TOPAZ1: variants seen among roughly 807,000 people sequenced by gnomAD.
The protein encoded by TOPAZ1 is protein TOPAZ1.
Under a neutral mutation model 172.2 loss-of-function variants are expected in TOPAZ1, and 66 were observed. The ratio of observed to expected loss-of-function variants is 0.38; its 90% confidence interval spans 0.31 to 0.47. The LOEUF is 0.47. TOPAZ1 is among the 20% of genes least tolerant of loss of function. The pLI is 0.99. For synonymous variants in TOPAZ1, 681 were observed against 683.9 expected (o/e 1.00, Z 0.07); for missense variants, 1,822 against 1,972.4 (o/e 0.92, Z 1.44).
chr3:44,286,633 T>G (rs1342509288), intron 9 of TOPAZ1, among the ~76,000 whole-genome samples: 1 of 152,202 alleles, frequency 6.6e-6, no homozygotes, highest in Non-Finnish European at 1.5e-5. Flanking sequence ...TAATAAATAT[T>G]TCTAATAGAA....
intron 2 of TOPAZ1, among the ~76,000 whole-genome samples, chr3:44,249,641 A>T (rs1699606529): frequency 6.6e-6 from 1 of 152,150 alleles, no homozygotes; most frequent in Admixed American, 6.5e-5. Flanking sequence ...AAGGGTAAGA[A>T]ATGTCCATGT....
chr3:44,252,357 C>G (rs768627049), intron 2 of TOPAZ1, among the ~76,000 whole-genome samples: 26 of 152,180 alleles, frequency 1.7e-4, no homozygotes, highest in Non-Finnish European at 7.3e-5. Flanking sequence ...CTTAATCTTC[C>G]TAAACTCTCT....
At chr3:44,260,273 G>C (rs1015281557) in intron 4 of TOPAZ1, among the ~76,000 whole-genome samples, 19 of 152,090 alleles carry the variant, frequency 1.2e-4, no homozygotes, top group Non-Finnish European at 5.9e-5. Context: ...TTCTGGATTT[G>C]ATCTTTTTTA....
rs1171677216 is a variant in TOPAZ1 at position 44,256,237 on chromosome 3, G to A, written c.2914G>A (p.Asp972Asn). ...NETSENETLG[D>N]FSEQIKGSDL... is the part of the protein sequence containing the mutation. ...GACCTCTGAAAATGAAACACTGGGA[G>A]ACTTCAGTGAACAAATAAAAGGTTC... Residue 972 changes from aspartate (D) to asparagine (N), a missense_variant, in exon 4 of 20, where the codon GAC (aspartate) becomes AAC (asparagine). By Grantham distance (23) the Asp-to-Asn change is conservative (BLOSUM62 1). Around this residue, in one of 2 missense-constraint regions of TOPAZ1, gnomAD observed 1,489 missense variants for 1,490.8 expected, o/e 1.00. Coordinates refer to ENST00000309765, the MANE Select transcript of TOPAZ1 (RefSeq NM_001145030.2). 15 of 1,534,856 alleles carry A rather than the reference G, an allele frequency of 9.8e-6. No individual in the cohort carries two copies. The highest frequency in any genetic ancestry group is 4.4e-6 in the Non-Finnish European group (5 of 1,142,398).
chr3:44,300,865 A>C (rs1004746423), intron 12 of TOPAZ1, among the ~76,000 whole-genome samples: 4 of 152,180 alleles, frequency 2.6e-5, no homozygotes, highest in South Asian at 2.1e-4. Flanking sequence ...AAAAAAAAAA[A>C]AACTCAGATA....
chr3:44,309,712 A>G (rs2125701267), intron 15 of TOPAZ1, 113 bp from the exon 16 acceptor site: 3 of 759,134 alleles, frequency 4.0e-6, no homozygotes, highest in South Asian at 4.0e-5. Flanking sequence ...CTTAACAGCC[A>G]GCAGTCTAGG....
intron 16 of TOPAZ1, among the ~76,000 whole-genome samples, chr3:44,319,678 T>C (rs1249011746): frequency 6.6e-6 from 1 of 152,212 alleles, no homozygotes; most frequent in Non-Finnish European, 1.5e-5. Context: ...AAAGTATCTG[T>C]CTAAATGAGT....
chr3:44,334,543 G>T (rs537113603), downstream of TOPAZ1, among the ~76,000 whole-genome samples: 14 of 152,162 alleles, frequency 9.2e-5, no homozygotes, highest in Non-Finnish European at 1.9e-4. Flanking sequence ...ATAATCATCT[G>T]TAGGTGGAAT....
At chr3:44,311,990 T>TCCCAAATGTGACAGTATGTTCTTCCTTC (rs1700401888) in intron 16 of TOPAZ1, among the ~76,000 whole-genome samples, 1 of 152,086 alleles carries the variant, frequency 6.6e-6, no homozygotes, top group Non-Finnish European at 1.5e-5. Context: ...TTTTTTTTCA[T>TCCCAAATGTGACAGTATGTTCTTCCTTC]TTACTAATTC....
At chr3:44,292,272 T>G (rs1700146275) in intron 12 of TOPAZ1, among the ~76,000 whole-genome samples, 1 of 152,196 alleles carries the variant, frequency 6.6e-6, no homozygotes. Context: ...AAATAGATTT[T>G]GGGGACTACC....
intron 12 of TOPAZ1, among the ~76,000 whole-genome samples, chr3:44,297,012 A>C (rs1446823440): frequency 6.6e-6 from 1 of 151,908 alleles, no homozygotes; most frequent in East Asian, 1.9e-4. Flanking sequence ...TCTCTACTAA[A>C]AATACAAAAT....
chr3:44,301,162 A>C (rs1488638), intron 12 of TOPAZ1, among the ~76,000 whole-genome samples: 66,678 of 152,042 alleles, frequency 0.44, 16,451 homozygotes, highest in East Asian at 0.81. Flanking sequence ...GGGTATCATG[A>C]GAAAGTTCCT....
intron 8 of TOPAZ1, among the ~76,000 whole-genome samples, chr3:44,272,052 A>T (rs139725422): frequency 6.6e-6 from 1 of 152,066 alleles, no homozygotes; most frequent in South Asian, 2.1e-4. Context: ...TCTCCAGTCT[A>T]TCTGTGTTAT....
At chr3:44,327,740 C>A (rs1700617083) in intron 18 of TOPAZ1, among the ~76,000 whole-genome samples, 1 of 151,506 alleles carries the variant, frequency 6.6e-6, no homozygotes, top group South Asian at 2.1e-4. Context: ...ATGTTTCTCA[C>A]TTTTTTTGTT....
At chr3:44,333,654 A>G (rs895331814), downstream of TOPAZ1, among the ~76,000 whole-genome samples, 1 of 152,214 alleles carries the variant, frequency 6.6e-6, no homozygotes, top group Non-Finnish European at 1.5e-5. Flanking sequence ...TCTAATGACA[A>G]GAGCCTTATT....
chr3:44,243,252 A>G lies in TOPAZ1; in HGVS notation c.746A>G (p.Asp249Gly), dbSNP rs1699509561. 1.9e-6 allele frequency: 3 copies of G among 1,551,464 alleles called. No individual in the cohort carries two copies. The highest frequency in any genetic ancestry group is 2.4e-5 in the East Asian group (1 of 40,904). Residue 249 changes from aspartate (D) to glycine (G), a missense_variant, in exon 2 of 20, where the codon GAT becomes GGT. Around this residue, in one of 2 missense-constraint regions of TOPAZ1, gnomAD observed 1,489 missense variants for 1,490.8 expected, o/e 1.00. Coordinates refer to ENST00000309765, the MANE Select transcript of TOPAZ1 (RefSeq NM_001145030.2). ...NDENNLPYKPDGGCMHVAENF... is the reference protein window; with the variant it reads ...NDENNLPYKPGGGCMHVAENF... Reference sequence around the variant, plus strand: ...GAAAACAACCTGCCATATAAACCTGATGGTGGATGTATGCATGTAGCAGAA... The same window carrying G: ...GAAAACAACCTGCCATATAAACCTGGTGGTGGATGTATGCATGTAGCAGAA...
chr3:44,333,029 T>C (rs1375164316), downstream of TOPAZ1, among the ~76,000 whole-genome samples: 1 of 151,510 alleles, frequency 6.6e-6, no homozygotes. Flanking sequence ...TTGCTATGTT[T>C]CCCAGGCTGG....
rs746192521 is a variant in TOPAZ1 at position 44,309,866 on chromosome 3, C to T, written c.4182C>T (p.His1394=). 1.8e-5 allele frequency: 28 copies of T among 1,543,424 alleles called. No homozygotes were observed. Among genetic ancestry groups the T allele is most frequent in the Non-Finnish European group, 2.5e-5 (28 of 1,141,378 alleles). Residue 1394 remains histidine (H), a synonymous_variant, in exon 16 of 20, where the codon CAC becomes CAT. Coordinates refer to ENST00000309765, the MANE Select transcript of TOPAZ1 (RefSeq NM_001145030.2). ...AGAAACTATATGAATTAAAAATACA[C>T]TTTACAAGTTTAAAAGGACTTATAG... ...VLEKLYELKI[H]FTSLKGLIGP...
chr3:44,247,537 G>A (rs1000553175), intron 2 of TOPAZ1, among the ~76,000 whole-genome samples: 2 of 152,042 alleles, frequency 1.3e-5, no homozygotes, highest in African/African-American at 4.8e-5. Context: ...ACTAAGCCTT[G>A]TGCCATGTAC....
Sources: gnomAD v4.1 joint callset for allele counts (sites outside exome capture counted in the v4.1 genomes callset) on GRCh38, gnomAD v4.1.1 for gene constraint, gnomAD v4.1.1 regional missense constraint, MANE v1.5 for transcripts, NCBI Gene and HGNC (gene_info 2026-07-23, HGNC 2026-07-21) for gene names.